Variants in PDE6A observed in about 807,000 individuals in gnomAD.
PDE6A encodes rod cGMP-specific 3',5'-cyclic phosphodiesterase subunit alpha.
Under a neutral mutation model 106.3 loss-of-function variants are expected in PDE6A, and 84 were observed. The observed-to-expected ratio is 0.79, with a 90% CI of 0.66 to 0.95. The LOEUF is 0.95. PDE6A is among the 40% of genes least tolerant of loss of function. PDE6A has a pLI of 0.00. For missense variants in PDE6A, 1,052 were observed against 1,084.9 expected (o/e 0.97, Z 0.43); for synonymous variants, 394 against 386.6 (o/e 1.02, Z -0.23).
chr5:149,909,399 G>A (rs1753303226), intron 6 of PDE6A, among the ~76,000 whole-genome samples: 1 of 152,176 alleles, frequency 6.6e-6, no homozygotes, highest in African/African-American at 2.4e-5. Flanking sequence ...CTTGCCTGAA[G>A]GTCAATGCTT....
chr5:149,866,113 G>A (rs1760321312), intron 20 of PDE6A, 57 bp downstream of exon 20: 1 of 1,259,680 alleles, frequency 7.9e-7, no homozygotes, highest in Non-Finnish European at 1.2e-6. Flanking sequence ...GCTGTTGTCT[G>A]GAAATCCCAG....
intron 8 of PDE6A, among the ~76,000 whole-genome samples, chr5:149,901,479 G>A (rs1212661237): frequency 6.6e-6 from 1 of 152,164 alleles, no homozygotes; most frequent in Non-Finnish European, 1.5e-5. Flanking sequence ...GGTGAGCCGA[G>A]ATCGTGCCAC....
Position 149,883,434 on chromosome 5 carries a change from G to A in PDE6A, c.2130C>T (p.Ile710=), listed in dbSNP as rs750000569. Residue 710 remains isoleucine (I), a synonymous_variant, in exon 17 of 22, where the codon ATC becomes ATT. Coordinates refer to ENST00000255266, the MANE Select transcript of PDE6A (RefSeq NM_000440.3). ...TTAACCCCATCCCAACTCACATAAC[G>A]ATTTCCTTCCGTGTCTGCTCCAGCA... ...YMMLEQTRKE[I]VMAMMMTACD... The A allele has an allele frequency of 2.2e-5, 35 of 1,608,748 alleles. No homozygotes were observed. The highest frequency in any genetic ancestry group is 1.1e-4 in the South Asian group (10 of 90,982).
rs1489520034 is a variant in PDE6A at position 149,927,160 on chromosome 5, A to G, written c.858+3868T>C. Among the ~76,000 whole-genome samples, 5 of 152,130 alleles carry G rather than the reference A, an allele frequency of 3.3e-5. No homozygotes were observed. In the East Asian group the frequency reaches 9.6e-4, roughly 29 times the overall value. ...TACTCCAGATTGTATAGCCTACTAC[A>G]CACCTAAACATAGCTAAACATAAAA... On this transcript the variant is annotated intron_variant, in intron 4 of 21. Transcript: ENST00000255266.
chr5:149,876,313 G>A (rs535295948), intron 17 of PDE6A, among the ~76,000 whole-genome samples: 3 of 148,470 alleles, frequency 2.0e-5, no homozygotes, highest in South Asian at 2.2e-4. Context: ...CTAGACTGGA[G>A]TCGGATTCAG....
chr5:149,920,596 C>T (rs576099124), intron 5 of PDE6A, among the ~76,000 whole-genome samples: 4 of 152,068 alleles, frequency 2.6e-5, no homozygotes, highest in African/African-American at 4.8e-5. Context: ...GAGAAAGTGG[C>T]GGGGACTGTG....
chr5:149,870,613 G>T (rs1415253588), intron 17 of PDE6A, among the ~76,000 whole-genome samples: 1 of 151,980 alleles, frequency 6.6e-6, no homozygotes, highest in East Asian at 1.9e-4. Context: ...ACACCAAGGT[G>T]CCAGAAAAGC....
intron 4 of PDE6A, among the ~76,000 whole-genome samples, chr5:149,923,137 T>C (rs1189305574): frequency 4.6e-5 from 7 of 152,164 alleles, no homozygotes; most frequent in Non-Finnish European, 8.8e-5. Context: ...CCTCTTCTGG[T>C]TTTGAAGGTT....
chr5:149,867,826 CAG>C lies in PDE6A; in HGVS notation c.2200-29_2200-28del, dbSNP rs758821920. 1.7e-5 allele frequency: 28 copies of C among 1,604,938 alleles called. No individual in the cohort carries two copies. The South Asian group carries it at 3.0e-4, about 17-fold the overall frequency. The stretch of plus-strand genomic sequence containing the variant: ...TGCAACAGACAGACCCTCACACACG[CAG>C]AGTCAGAGCCCCAGCCCAATCCCCT... On this transcript the variant is annotated intron_variant, in intron 18 of 21. Transcript: ENST00000255266.
chr5:149,906,323 C>T (rs779120311), intron 7 of PDE6A, among the ~76,000 whole-genome samples: 4 of 151,122 alleles, frequency 2.6e-5, no homozygotes, highest in Admixed American at 6.6e-5. Context: ...ACCAGGTGTT[C>T]GAAACCAGCC....
chr5:149,896,862 A>G (rs1752774742), intron 10 of PDE6A, 86 bp from the exon 11 acceptor site: 2 of 1,435,292 alleles, frequency 1.4e-6, no homozygotes, highest in Admixed American at 1.7e-5. Context: ...CTTCCTCCAA[A>G]GTCCTTGCAA....
In PDE6A at chr5:149,921,572, G is replaced by C. The variant is rs1018767507; in HGVS notation, c.933+63C>G. ...TATGCTAATAAAAAATCCTTTAACA[G>C]GGTTTACTGTGCCTTGCATTTGAAT... On this transcript the variant is annotated intron_variant, in intron 5 of 21. Transcript: ENST00000255266. 8 of 1,335,588 alleles carry C rather than the reference G, an allele frequency of 6.0e-6. No individual in the cohort carries two copies. The Admixed American group carries it at 1.2e-4, about 20-fold the overall frequency. The allele number at this position is 1,335,588 out of a possible 1,614,324, so 82.7% of individuals were successfully genotyped here. A position where few individuals can be genotyped will look rare whatever the true frequency, so the allele number is the denominator to read the frequency against.
Position 149,867,665 on chromosome 5 carries a change from AT to A in PDE6A, c.2274+59del, listed in dbSNP as rs1289609690. 1.1e-5 allele frequency: 16 copies of A among 1,425,908 alleles called. No individual in the cohort carries two copies. The South Asian group carries it at 1.5e-4, about 13-fold the overall frequency. The allele number at this position is 1,425,908 out of a possible 1,614,324, so 88.3% of individuals were successfully genotyped here. A position where few individuals can be genotyped will look rare whatever the true frequency, so the allele number is the denominator to read the frequency against. On this transcript the variant is annotated intron_variant, in intron 19 of 21. Coordinates refer to ENST00000255266, the MANE Select transcript of PDE6A (RefSeq NM_000440.3). ...CATCTCTCCATCATGGCGAGGTCATATCTAGGTCAGGATGGAGCACACACAC... is the reference window on the plus strand; with the variant it reads ...CATCTCTCCATCATGGCGAGGTCATACTAGGTCAGGATGGAGCACACACAC...
At chr5:149,910,774 C>T (rs1400429408) in intron 6 of PDE6A, among the ~76,000 whole-genome samples, 1 of 150,982 alleles carries the variant, frequency 6.6e-6, no homozygotes, top group East Asian at 1.9e-4. Context: ...AAGTCACCTA[C>T]ATCAAAGTTC....
intron 5 of PDE6A, among the ~76,000 whole-genome samples, chr5:149,920,992 A>AGG (rs1554091220): frequency 7.5e-6 from 1 of 133,194 alleles, no homozygotes; most frequent in African/African-American, 3.0e-5. Flanking sequence ...GAAAGAAAGA[A>AGG]AGAAAAAGAA....
Position 149,896,772 on chromosome 5 carries a change from G to A in PDE6A, c.1412C>T (p.Thr471Ile). 1 of 1,614,070 alleles carries A rather than the reference G, an allele frequency of 6.2e-7. No individual in the cohort carries two copies. ...TGGCTCCTTCCCATACACCTCTCTG[G>A]TTTTCTGCCAGGACCCAAAATGGCA... is the stretch of plus-strand genomic sequence containing the variant. The part of the protein sequence containing the change: ...DNEEIQKILK[T>I]REVYGKEPWE... The change falls in exon 11 of 22, where the codon ACC becomes ATC. Residue 471 changes from threonine (T) to isoleucine (I), a missense_variant. Thr to Ile is a moderately conservative substitution (Grantham distance 89, BLOSUM62 -1). Around this residue, in one of 3 missense-constraint regions of PDE6A, gnomAD observed 913 missense variants for 915.2 expected, o/e 1.00. Coordinates refer to ENST00000255266, the MANE Select transcript of PDE6A (RefSeq NM_000440.3).
intron 1 of PDE6A, among the ~76,000 whole-genome samples, chr5:149,943,346 A>G (rs1370704197): frequency 6.6e-6 from 1 of 152,218 alleles, no homozygotes; most frequent in Non-Finnish European, 1.5e-5. Context: ...AGGGTTACAG[A>G]TTAATAGCAT....
Position 149,860,672 on chromosome 5 carries a change from A to T in PDE6A, c.*223T>A. ...TTGGCGATTTTTTTTTTTAAGTTCA[A>T]CAGCTATCATTAGTGTTACTGTATT... On this transcript the variant is annotated 3_prime_UTR_variant, in exon 22 of 22. Coordinates refer to ENST00000255266, the MANE Select transcript of PDE6A (RefSeq NM_000440.3). 2.3e-6 allele frequency: 1 copy of T among 428,176 alleles called. No individual in the cohort carries two copies. Among genetic ancestry groups the T allele is most frequent in the Non-Finnish European group, 4.1e-6 (1 of 241,496 alleles). 26.5% of individuals were successfully genotyped at this position (428,176 alleles called of 1,614,324 possible). A position where few individuals can be genotyped will look rare whatever the true frequency, so the allele number is the denominator to read the frequency against.
chr5:149,888,115 T>G (rs2113563181), intron 13 of PDE6A, among the ~76,000 whole-genome samples: 1 of 152,242 alleles, frequency 6.6e-6, no homozygotes, highest in African/African-American at 2.4e-5. Context: ...CTCCAGCCTG[T>G]GTGACAGAGC....
Sources: allele counts gnomAD v4.1 joint callset (sites outside exome capture counted in the v4.1 genomes callset), GRCh38; gene constraint gnomAD v4.1.1; regional missense constraint gnomAD v4.1.1; transcripts MANE v1.5; gene names NCBI Gene and HGNC (gene_info 2026-07-23, HGNC 2026-07-21).